The following LRRC4C variants were observed in gnomAD, a reference collection of about 807,000 sequenced individuals.
LRRC4C encodes leucine rich repeat containing 4C, also known as leucine-rich repeat-containing protein 4C.
LRRC4C carries 5 observed loss-of-function variants against 33.6 expected under a neutral mutation model. The observed-to-expected ratio is 0.15, with a 90% CI of 0.08 to 0.31. The LOEUF (loss-of-function observed/expected upper bound fraction) is 0.31, where lower values mean the gene tolerates loss of function less well. Among genes scored for constraint, LRRC4C ranks in the 10% least tolerant of loss-of-function variants. LRRC4C has a pLI of 1.00. For synonymous variants in LRRC4C, 329 were observed against 302.0 expected (o/e 1.09, Z -0.93); for missense variants, 560 against 796.7 (o/e 0.70, Z 3.58).
intron 1 of LRRC4C, among the ~76,000 whole-genome samples, chr11:41,186,240 T>G (rs1945690266): frequency 6.6e-6 from 1 of 152,122 alleles, no homozygotes; most frequent in African/African-American, 2.4e-5. Flanking sequence ...AAGTTTAGCA[T>G]CAGCACAGTA....
intron 1 of LRRC4C, among the ~76,000 whole-genome samples, chr11:41,336,805 T>C (rs79789275): frequency 0.019 from 2,899 of 152,268 alleles, 87 homozygotes; most frequent in African/African-American, 0.067. Flanking sequence ...TGAGAGAGGT[T>C]ACTAGCATTT....
intron 1 of LRRC4C, among the ~76,000 whole-genome samples, chr11:41,358,913 C>A (rs146883157): frequency 1.3e-5 from 2 of 152,112 alleles, no homozygotes; most frequent in African/African-American, 4.8e-5. Context: ...ACACAAAGAT[C>A]TGCATATGAA....
At chr11:40,319,542 T>G (rs1945738683) in intron 4 of LRRC4C, 86 bp downstream of exon 4, 1 of 152,328 alleles carries the variant, frequency 6.6e-6, no homozygotes, top group Non-Finnish European at 1.5e-5. Context: ...TATTTTTTTT[T>G]GACTTAGTGA....
intron 2 of LRRC4C, among the ~76,000 whole-genome samples, chr11:40,909,459 G>T (rs1956568500): frequency 6.6e-6 from 1 of 151,952 alleles, no homozygotes; most frequent in South Asian, 2.1e-4. Context: ...ACAAAAACAA[G>T]CAATAAATAA....
chr11:41,089,949 T>C (rs528248148), intron 1 of LRRC4C, among the ~76,000 whole-genome samples: 9 of 152,110 alleles, frequency 5.9e-5, no homozygotes, highest in Middle Eastern at 3.4e-3. Flanking sequence ...TGCTAATATA[T>C]ACAGTTATTT....
At chr11:41,406,156 T>C (rs1954222613) in intron 1 of LRRC4C, among the ~76,000 whole-genome samples, 1 of 152,098 alleles carries the variant, frequency 6.6e-6, no homozygotes, top group African/African-American at 2.4e-5. Flanking sequence ...GACTTACCTA[T>C]GTGAGGATAT....
intron 3 of LRRC4C, among the ~76,000 whole-genome samples, chr11:40,468,851 C>A (rs1952782851): frequency 6.6e-6 from 1 of 151,932 alleles, no homozygotes; most frequent in African/African-American, 2.4e-5. Flanking sequence ...TGATAAAGAC[C>A]CATATTTTAT....
At chr11:40,775,397 A>C (rs1252521824) in intron 2 of LRRC4C, among the ~76,000 whole-genome samples, 1 of 143,966 alleles carries the variant, frequency 6.9e-6, no homozygotes, top group African/African-American at 2.6e-5. Context: ...CTGGATGACA[A>C]GGCGAGACTC....
intron 3 of LRRC4C, among the ~76,000 whole-genome samples, chr11:40,523,900 C>A (rs1565472115): frequency 6.6e-6 from 1 of 152,156 alleles, no homozygotes; most frequent in Admixed American, 6.5e-5. Context: ...GAATCAAAAT[C>A]CCTGATAGTC....
At chr11:40,352,110 TCTTCCTTCCTTCCTTCCTTCCTTCCTTC>T (rs200446819) in intron 3 of LRRC4C, among the ~76,000 whole-genome samples, 7,107 of 123,806 alleles carry the variant, frequency 0.057, 250 homozygotes, top group Middle Eastern at 0.097. Context: ...TTCCTTTCTT[TCTTCCTTCCTTCCTTCCTTCCTTCCTTC>T]CTTCCTTCCT....
chr11:40,443,323 G>A (rs1384227594), intron 3 of LRRC4C, among the ~76,000 whole-genome samples: 3 of 152,126 alleles, frequency 2.0e-5, no homozygotes, highest in Non-Finnish European at 4.4e-5. Flanking sequence ...TTTCTGTGGC[G>A]GCGCTTTCAT....
chr11:41,063,612 T>A (rs999662306), intron 1 of LRRC4C, among the ~76,000 whole-genome samples: 24 of 152,100 alleles, frequency 1.6e-4, no homozygotes. Context: ...GGAAAGGCCC[T>A]GAAGAGAGCA....
chr11:41,212,581 C>A lies in LRRC4C; in HGVS notation c.-496+246850G>T, dbSNP rs182233646. Among the ~76,000 whole-genome samples the A allele has an allele frequency of 2.7e-4, 41 of 152,250 alleles. No individual in the cohort carries two copies. The East Asian group carries it at 7.3e-3, about 27-fold the overall frequency. On this transcript the variant is annotated intron_variant, in intron 1 of 6. Coordinates refer to ENST00000528697, the MANE Select transcript of LRRC4C (RefSeq NM_001258419.2). ...TAGTCTTTCTGATGTTCTCCTTCTTCCCACCCCTCCCCTCAACAGGCCCCA... is the reference window on the plus strand; with the variant it reads ...TAGTCTTTCTGATGTTCTCCTTCTTACCACCCCTCCCCTCAACAGGCCCCA...
chr11:40,987,199 C>T (rs552905037), intron 1 of LRRC4C, among the ~76,000 whole-genome samples: 18 of 152,242 alleles, frequency 1.2e-4, no homozygotes, highest in African/African-American at 3.6e-4. Context: ...CAGCTGTTGA[C>T]GAAAACCACT....
intron 1 of LRRC4C, among the ~76,000 whole-genome samples, chr11:41,039,302 ATG>A (rs1441740605): frequency 2.6e-5 from 4 of 152,060 alleles, no homozygotes; most frequent in Non-Finnish European, 5.9e-5. Flanking sequence ...CCATATTATT[ATG>A]TGTTTTCCCC....
At chr11:40,646,585 C>A (rs189443745) in intron 3 of LRRC4C, among the ~76,000 whole-genome samples, 40 of 152,250 alleles carry the variant, frequency 2.6e-4, no homozygotes, top group Admixed American at 5.2e-4. Flanking sequence ...CATATGCTTT[C>A]AAAAAGAAAG....
intron 3 of LRRC4C, among the ~76,000 whole-genome samples, chr11:40,377,892 A>G (rs1419548856): frequency 6.6e-6 from 1 of 152,110 alleles, no homozygotes; most frequent in East Asian, 1.9e-4. Flanking sequence ...GCCAGTGACA[A>G]TTCTAAACCT....
At chr11:40,425,130 A>G (rs907027089) in intron 3 of LRRC4C, among the ~76,000 whole-genome samples, 1 of 151,502 alleles carries the variant, frequency 6.6e-6, no homozygotes, top group African/African-American at 2.4e-5. Flanking sequence ...TTGTGGGGAA[A>G]AAAAAAAAGA....
At chr11:40,351,555 T>C (rs1035538046) in intron 3 of LRRC4C, 1 of 152,014 alleles carries the variant, frequency 6.6e-6, no homozygotes, top group Non-Finnish European at 1.5e-5. Flanking sequence ...AGCTCTAATA[T>C]TTGCTTTAGA....
Sources: gnomAD v4.1 joint callset for allele counts (sites outside exome capture counted in the v4.1 genomes callset) on GRCh38, gnomAD v4.1.1 for gene constraint, MANE v1.5 for transcripts, NCBI Gene and HGNC (gene_info 2026-07-23, HGNC 2026-07-21) for gene names.